IL1RAPL1: variants seen among roughly 807,000 people sequenced by gnomAD.
The protein encoded by IL1RAPL1 is interleukin-1 receptor accessory protein-like 1.
Under a neutral mutation model 48.4 loss-of-function variants are expected in IL1RAPL1, and 3 were observed. The ratio of observed to expected loss-of-function variants is 0.06; its 90% CI spans 0.03 to 0.16. The LOEUF (loss-of-function observed/expected upper bound fraction) is 0.16. IL1RAPL1 is among the 10% of genes least tolerant of loss of function. The probability of loss-of-function intolerance (pLI) is 1.00; values close to 1 mark genes in which losing one functional copy is unlikely to be tolerated. For synonymous variants in IL1RAPL1, 185 were observed against 187.7 expected, an observed-to-expected ratio of 0.99 and a Z score of 0.12; for missense variants, 349 against 530.6, an observed-to-expected ratio of 0.66 and a Z score of 3.36.
intron 2 of IL1RAPL1, among the ~76,000 whole-genome samples, chrX:29,216,501 T>C (rs1446136876): frequency 2.7e-5 from 3 of 111,618 alleles, no homozygotes; most frequent in Non-Finnish European, 5.6e-5. Context: ...GGCCTGTTTC[T>C]TGTATTTTCT....
At chrX:29,127,202 A>G (rs1419671532) in intron 2 of IL1RAPL1, among the ~76,000 whole-genome samples, 2 of 110,875 alleles carry the variant, frequency 1.8e-5, no homozygotes, top group Admixed American at 1.9e-4. Context: ...TACTAGATAC[A>G]GGAAAAATGC....
chrX:28,627,255 A>G (rs1934349588), intron 1 of IL1RAPL1, among the ~76,000 whole-genome samples: 1 of 112,034 alleles, frequency 8.9e-6, no homozygotes, highest in Non-Finnish European at 1.9e-5. Context: ...AAAGATAAAG[A>G]TTTAATGAAG....
intron 2 of IL1RAPL1, among the ~76,000 whole-genome samples, chrX:29,020,078 C>T (rs897091873): frequency 3.6e-5 from 4 of 112,272 alleles, no homozygotes; most frequent in Non-Finnish European, 7.5e-5. Flanking sequence ...AAAGAACGAA[C>T]GAATGAATAA....
intron 2 of IL1RAPL1, among the ~76,000 whole-genome samples, chrX:29,202,777 G>C (rs1037043894): frequency 8.9e-6 from 1 of 111,865 alleles, no homozygotes; most frequent in African/African-American, 3.3e-5. Context: ...CAAATACTAT[G>C]TGTTCTGACC....
At chrX:29,375,793 T>A (rs1933614783) in intron 3 of IL1RAPL1, among the ~76,000 whole-genome samples, 1 of 112,377 alleles carries the variant, frequency 8.9e-6, no homozygotes, top group Non-Finnish European at 1.9e-5. Context: ...CTTGGGAGAT[T>A]GTGTGTTTTC....
chrX:28,673,802 T>C (rs751621795), intron 1 of IL1RAPL1, among the ~76,000 whole-genome samples: 1 of 111,769 alleles, frequency 8.9e-6, no homozygotes, highest in Non-Finnish European at 1.9e-5. Flanking sequence ...AATGTGTAAA[T>C]GAAGGTACCT....
intron 1 of IL1RAPL1, among the ~76,000 whole-genome samples, chrX:28,641,119 G>C (rs1446921587): frequency 2.8e-5 from 3 of 108,468 alleles, no homozygotes; most frequent in Admixed American, 9.9e-5. Context: ...GAACATGTAG[G>C]TTTCTTACAT....
intron 2 of IL1RAPL1, among the ~76,000 whole-genome samples, chrX:28,924,743 G>A (rs73208069): frequency 0.068 from 7,581 of 111,965 alleles, 229 homozygotes; most frequent in Middle Eastern, 0.26. Context: ...AAGGGAGTAG[G>A]TACATGATGG....
intron 5 of IL1RAPL1, among the ~76,000 whole-genome samples, chrX:29,653,352 ATTTTTG>A (rs936572786): frequency 1.9e-4 from 21 of 111,351 alleles, no homozygotes; most frequent in African/African-American, 6.8e-4. Flanking sequence ...GTTTTGTTTT[ATTTTTG>A]TTTTTGTTTT....
intron 2 of IL1RAPL1, among the ~76,000 whole-genome samples, chrX:29,224,433 T>C (rs1159604052): frequency 9.0e-6 from 1 of 111,495 alleles, no homozygotes; most frequent in Non-Finnish European, 1.9e-5. Context: ...TAGCTTAAGA[T>C]CTAATTCTCC....
intron 2 of IL1RAPL1, among the ~76,000 whole-genome samples, chrX:29,045,767 TTTG>T (rs1241319213): frequency 8.9e-6 from 1 of 112,139 alleles, no homozygotes; most frequent in Non-Finnish European, 1.9e-5. Flanking sequence ...CTTCTAGTTT[TTTG>T]TTGTTGTTGT....
intron 2 of IL1RAPL1, among the ~76,000 whole-genome samples, chrX:28,898,244 C>G (rs188435890): frequency 9.0e-6 from 1 of 111,617 alleles, no homozygotes; most frequent in African/African-American, 3.3e-5. Flanking sequence ...TGGACAGTGT[C>G]CTTTGAAACA....
chrX:29,889,495 T>C (rs1298793560), intron 6 of IL1RAPL1, among the ~76,000 whole-genome samples: 1 of 111,652 alleles, frequency 9.0e-6, no homozygotes, highest in East Asian at 2.8e-4. Context: ...AAAAGAAGTG[T>C]CCAATAATAT....
chrX:29,153,343 C>T (rs1396380824), intron 2 of IL1RAPL1, among the ~76,000 whole-genome samples: 4 of 111,531 alleles, frequency 3.6e-5, no homozygotes, highest in Non-Finnish European at 5.6e-5. Context: ...GTAATATATT[C>T]GCAGGTTCAG....
intron 2 of IL1RAPL1, among the ~76,000 whole-genome samples, chrX:28,959,552 G>A (rs1924711992): frequency 9.0e-6 from 1 of 111,441 alleles, no homozygotes; most frequent in African/African-American, 3.3e-5. Context: ...AAATTATTTA[G>A]CAATTCATTT....
At chrX:29,919,147 C>T (rs1932826845) in intron 7 of IL1RAPL1, among the ~76,000 whole-genome samples, 1 of 111,916 alleles carries the variant, frequency 8.9e-6, no homozygotes, top group African/African-American at 3.2e-5. Context: ...AGTGGGATTC[C>T]AGAAGGCTAG....
chrX:28,646,303 C>T (rs1166876198), intron 1 of IL1RAPL1, among the ~76,000 whole-genome samples: 1 of 112,007 alleles, frequency 8.9e-6, no homozygotes, highest in Non-Finnish European at 1.9e-5. Flanking sequence ...GTAGGCGGAG[C>T]TCAGACTGTA....
In IL1RAPL1 at chrX:29,681,794, G is replaced by A. The variant is rs373914138; in HGVS notation, c.778+13290G>A. Among the ~76,000 whole-genome samples, 13 of 111,348 alleles carry A rather than the reference G, an allele frequency of 1.2e-4. No homozygotes were observed. In the East Asian group the frequency reaches 3.4e-3, roughly 29 times the overall value. On this transcript the variant is annotated intron_variant, in intron 6 of 10. Transcript: ENST00000378993. ...TGTCATCAGAGTCGAGAGTTGGGAC[G>A]ACAGAGAGTAGAAATCCTATAACAG...
chrX:28,919,307 G>T (rs1482445761), intron 2 of IL1RAPL1, among the ~76,000 whole-genome samples: 1 of 111,895 alleles, frequency 8.9e-6, no homozygotes, highest in Non-Finnish European at 1.9e-5. Context: ...GCACGAGCAT[G>T]GGACAACCAG....
Sources: gnomAD v4.1 joint callset for allele counts (sites outside exome capture counted in the v4.1 genomes callset) on GRCh38, gnomAD v4.1.1 for gene constraint, MANE v1.5 for transcripts, NCBI Gene and HGNC (gene_info 2026-07-23, HGNC 2026-07-21) for gene names.